PWWP2A: variants seen among roughly 807,000 people sequenced by gnomAD.
The protein encoded by PWWP2A is PWWP domain containing 2A, also known as PWWP domain-containing protein 2A.
PWWP2A carries 18 observed loss-of-function variants against 48.5 expected under a neutral mutation model. The ratio of observed to expected loss-of-function variants is 0.37; its 90% CI spans 0.26 to 0.55. The LOEUF (loss-of-function observed/expected upper bound fraction) is 0.55, where lower values mean the gene tolerates loss of function less well. PWWP2A is among the 20% of genes least tolerant of loss of function. PWWP2A has a pLI of 0.81. For synonymous variants in PWWP2A, 396 were observed against 387.7 expected (o/e 1.02, Z -0.25); for missense variants, 867 against 976.4 (o/e 0.89, Z 1.49).
In PWWP2A at chr5:160,119,138, G is replaced by C. The variant is rs1481269584; in HGVS notation, c.251C>G (p.Ala84Gly). 5 of 1,564,412 alleles carry C rather than the reference G, an allele frequency of 3.2e-6. No individual in the cohort carries two copies. The highest frequency in any genetic ancestry group is 3.4e-6 in the Non-Finnish European group (4 of 1,166,652). ...PPGELARSPE[A>G]VGPELEAEEK... ...CTCAGCCTCCAGCTCCGGCCCCACC[G>C]CCTCTGGGCTGCGGGCGAGCTCCCC... Residue 84 changes from alanine to glycine, a missense_variant, in exon 1 of 2, where the codon GCG (alanine) becomes GGG (glycine). Physicochemically the swap from Ala to Gly is moderately conservative, Grantham distance 60 (BLOSUM62 0). Coordinates refer to ENST00000307063, the MANE Select transcript of PWWP2A (RefSeq NM_001130864.2).
rs1235306657 is a variant in PWWP2A at position 160,112,081 on chromosome 5, T to G, written c.584+6724A>C. Among the ~76,000 whole-genome samples, 3 of 126,326 alleles carry G rather than the reference T, an allele frequency of 2.4e-5. No individual in the cohort carries two copies. The East Asian group carries it at 6.8e-4, about 29-fold the overall frequency. 82.9% of individuals were successfully genotyped at this position (126,326 alleles called of 152,430 possible). A position where few individuals can be genotyped will look rare whatever the true frequency, so the allele number is the denominator to read the frequency against. ...GGTTGAGGCTGCAGTGAACTGTGAGTGTGCCACCGCATTCTGGCCTGGGTG... is the reference window on the plus strand; with the variant it reads ...GGTTGAGGCTGCAGTGAACTGTGAGGGTGCCACCGCATTCTGGCCTGGGTG... On this transcript the variant is annotated intron_variant, in intron 1 of 1. Coordinates refer to ENST00000307063, the MANE Select transcript of PWWP2A (RefSeq NM_001130864.2).
chr5:160,059,273 C>A (rs1191960718), downstream of PWWP2A, among the ~76,000 whole-genome samples: 1 of 152,236 alleles, frequency 6.6e-6, no homozygotes, highest in African/African-American at 2.4e-5. Context: ...TAACTTTTTG[C>A]AGCTTCTATG....
intron 2 of PWWP2A, among the ~76,000 whole-genome samples, chr5:160,070,196 G>C (rs534023229): frequency 2.0e-5 from 3 of 152,194 alleles, no homozygotes; most frequent in African/African-American, 7.2e-5. Context: ...GCTGGGTGCA[G>C]TGGCTCACAC....
the PWWP2A span, among the ~76,000 whole-genome samples, chr5:160,044,464 T>A: frequency 6.6e-6 from 1 of 152,226 alleles, no homozygotes; most frequent in African/African-American, 2.4e-5. Context: ...ACTCATGAGA[T>A]TTCCAAGAAT....
At chr5:160,054,865 G>GA in the PWWP2A span, among the ~76,000 whole-genome samples, 14 of 151,718 alleles carry the variant, frequency 9.2e-5, no homozygotes, top group East Asian at 1.9e-4. Context: ...AGGTAAATAG[G>GA]AAAAAAAACA....
At chr5:160,073,069 A>G (rs1279669063), downstream of PWWP2A, among the ~76,000 whole-genome samples, 3 of 149,072 alleles carry the variant, frequency 2.0e-5, no homozygotes, top group Admixed American at 6.7e-5. Flanking sequence ...GCCTTGGCTG[A>G]GTAGGAACTG....
Position 160,093,048 on chromosome 5 carries a change from G to C in PWWP2A, c.1602C>G (p.Ser534Arg). The change falls in exon 2 of 2, where the codon AGC becomes AGG. Residue 534 changes from serine to arginine, a missense_variant. Coordinates refer to ENST00000307063, the MANE Select transcript of PWWP2A (RefSeq NM_001130864.2). The surrounding 1 kb of genome is among the most constrained non-coding windows in gnomAD (Gnocchi z 5.8). The stretch of plus-strand genomic sequence containing the variant: ...CTTCATTTGTGTCCTGAACCTCACT[G>C]CTGGCCTCTTCAGGGCCTTTTGAGG... ...QSPSKGPEEA[S>R]SEVQDTNEVH... 1.2e-6 allele frequency: 2 copies of C among 1,609,964 alleles called. No individual in the cohort carries two copies. The highest frequency in any genetic ancestry group is 1.7e-6 in the Non-Finnish European group (2 of 1,178,230).
At chr5:160,064,867 T>A (rs1253785589) in intron 4 of PWWP2A, 1 of 1,526,808 alleles carries the variant, frequency 6.5e-7, no homozygotes, top group Non-Finnish European at 8.9e-7. Context: ...AAGGCAAGAT[T>A]AATTGGTACC....
In PWWP2A at chr5:160,118,787, T is replaced by TG. The variant is rs1758410856; in HGVS notation, c.584+17dup. On this transcript the variant is annotated intron_variant, in intron 1 of 1. Coordinates refer to ENST00000307063, the MANE Select transcript of PWWP2A (RefSeq NM_001130864.2). ...GGGGACCCAGCGGACCGGAGGGTGC[T>TG]GGGGGCGGGCGCGGTACCTTTTGGA... is the stretch of plus-strand genomic sequence containing the variant. 2 of 1,431,104 alleles carry TG rather than the reference T, an allele frequency of 1.4e-6. No homozygotes were observed. Among genetic ancestry groups the TG allele is most frequent in the Non-Finnish European group, 1.8e-6 (2 of 1,087,916 alleles). The allele number at this position is 1,431,104 out of a possible 1,614,324, so 88.7% of individuals were successfully genotyped here.
chr5:160,101,705 C>A, intron 1 of PWWP2A, among the ~76,000 whole-genome samples: 1 of 150,460 alleles, frequency 6.6e-6, no homozygotes, highest in Non-Finnish European at 1.5e-5. Context: ...GCATCTAAGA[C>A]AGGCATGCCC....
chr5:160,046,804 G>T, the PWWP2A span, among the ~76,000 whole-genome samples: 1 of 152,194 alleles, frequency 6.6e-6, no homozygotes, highest in Non-Finnish European at 1.5e-5. Flanking sequence ...ATGAGGTCAG[G>T]AGTTTGAGAC....
At position 160,119,083 on chromosome 5, in the gene PWWP2A, C is replaced by G. The variant is rs754931659; in HGVS notation, c.306G>C (p.Ser102=). 1.3e-6 allele frequency: 2 copies of G among 1,588,344 alleles called. No homozygotes were observed. Among genetic ancestry groups the G allele is most frequent in the South Asian group, 1.1e-5 (1 of 90,286 alleles). ...GCCCTCCCTGAGGCGCGGCTGCCGC[C>G]GACTCCGCCACCCGAACGGACAGTT... ...EEKLSVRVAE[S]AAAAPQGGPE... The change falls in exon 1 of 2, where the codon TCG becomes TCC. Residue 102 remains serine (S), a synonymous_variant. Transcript: ENST00000307063.
At chr5:160,063,092 G>A (rs962154438) in intron 5 of PWWP2A, among the ~76,000 whole-genome samples, 2 of 152,158 alleles carry the variant, frequency 1.3e-5, no homozygotes, top group African/African-American at 2.4e-5. Flanking sequence ...CCAGGTTCTG[G>A]GAGCTTTCTC....
At chr5:160,105,590 G>T in intron 1 of PWWP2A, 1 of 530,870 alleles carries the variant, frequency 1.9e-6, no homozygotes, top group Non-Finnish European at 2.4e-6. Context: ...AAAAAAGAAA[G>T]CAAGCATGCC....
At chr5:160,059,098 CAA>C (rs1323410281), downstream of PWWP2A, among the ~76,000 whole-genome samples, 4 of 152,330 alleles carry the variant, frequency 2.6e-5, no homozygotes, top group South Asian at 2.1e-4. Flanking sequence ...TATCGCCTAA[CAA>C]GAGAGTCAGC....
intron 1 of PWWP2A, chr5:160,113,264 CCTT>C (rs769491456): frequency 8.6e-5 from 84 of 979,256 alleles, no homozygotes; most frequent in Non-Finnish European, 9.9e-5. Flanking sequence ...ATGTCCAGCT[CCTT>C]TTTTTTCACA....
At chr5:160,045,977 G>A in the PWWP2A span, among the ~76,000 whole-genome samples, 3 of 152,020 alleles carry the variant, frequency 2.0e-5, no homozygotes, top group African/African-American at 7.2e-5. Context: ...TCCTGACCTC[G>A]TGATCTGCCT....
At chr5:160,095,669 A>C (rs1755563392) in intron 1 of PWWP2A, among the ~76,000 whole-genome samples, 1 of 148,702 alleles carries the variant, frequency 6.7e-6, no homozygotes, top group Non-Finnish European at 1.5e-5. Context: ...TTCAGTGCTC[A>C]GATTCTCCGA....
In PWWP2A at chr5:160,077,910, AT is replaced by A; in HGVS notation, c.*244del. On this transcript the variant is annotated 3_prime_UTR_variant, in exon 4 of 4. Coordinates refer to the PWWP2A transcript ENST00000456329. The surrounding 1 kb of genome is among the most constrained non-coding windows in gnomAD (Gnocchi z 4.2). ...GTGAGTTCTTACGTGTGTAATTCAC[AT>A]CATTTTTCTCCTCATCTCATGCATA... is the stretch of plus-strand genomic sequence containing the variant. The A allele has an allele frequency of 2.2e-6, 1 of 464,574 alleles. No homozygotes were observed. The highest frequency in any genetic ancestry group is 3.9e-6 in the Non-Finnish European group (1 of 258,960). 28.8% of individuals were successfully genotyped at this position (464,574 alleles called of 1,614,324 possible). A position where few individuals can be genotyped will look rare whatever the true frequency, so the allele number is the denominator to read the frequency against.
Sources: gnomAD v4.1 joint callset for allele counts (sites outside exome capture counted in the v4.1 genomes callset) on GRCh38, gnomAD v4.1.1 for gene constraint, Gnocchi (gnomAD v3.1) non-coding constraint, MANE v1.5 for transcripts, NCBI Gene and HGNC (gene_info 2026-07-23, HGNC 2026-07-21) for gene names.